Variants in PDZRN4 observed in about 807,000 individuals in gnomAD.
The protein encoded by PDZRN4 is PDZ domain-containing RING finger protein 4.
In PDZRN4, 70 loss-of-function variants were observed where a neutral mutation model predicts 99.0. That is an observed-to-expected ratio of 0.71 (90% CI 0.58 to 0.86). The LOEUF (loss-of-function observed/expected upper bound fraction) is 0.86. Among genes scored for constraint, PDZRN4 ranks in the 40% least tolerant of loss-of-function variants. The pLI, the probability that PDZRN4 is intolerant of heterozygous loss-of-function variation, is 0.00. For missense variants in PDZRN4, 1,474 were observed against 1,331.2 expected (o/e 1.11, Z -1.67); for synonymous variants, 551 against 501.6 (o/e 1.10, Z -1.32).
intron 3 of PDZRN4, among the ~76,000 whole-genome samples, chr12:41,480,136 C>G (rs1937650079): frequency 6.6e-6 from 1 of 152,098 alleles, no homozygotes; most frequent in Non-Finnish European, 1.5e-5. Context: ...AATTTCTTCT[C>G]TCATGCACGA....
chr12:41,500,352 A>C (rs1292599619), intron 3 of PDZRN4, among the ~76,000 whole-genome samples: 1 of 151,970 alleles, frequency 6.6e-6, no homozygotes, highest in Non-Finnish European at 1.5e-5. Context: ...CCAGACAGAC[A>C]AGCAGAAGAA....
Position 41,495,825 on chromosome 12 carries a change from C to A in PDZRN4, c.844-10631C>A, listed in dbSNP as rs200659800. Among the ~76,000 whole-genome samples the A allele has an allele frequency of 1.6e-4, 24 of 152,188 alleles. No individual in the cohort carries two copies. In the East Asian group the frequency reaches 4.7e-3, roughly 29 times the overall value. Reference sequence around the variant, plus strand: ...CCAGAGGACTTACTCTTTCATGCCTCAACCCTGGGGTTCCTCTCCTTTCTC... The same window carrying A: ...CCAGAGGACTTACTCTTTCATGCCTAAACCCTGGGGTTCCTCTCCTTTCTC... On this transcript the variant is annotated intron_variant, in intron 3 of 9. Coordinates refer to ENST00000402685, the MANE Select transcript of PDZRN4 (RefSeq NM_001164595.2).
At chr12:41,204,008 G>C (rs530537578) in intron 3 of PDZRN4, among the ~76,000 whole-genome samples, 8 of 151,944 alleles carry the variant, frequency 5.3e-5, no homozygotes, top group Admixed American at 1.3e-4. Context: ...TAATGGTTGG[G>C]TATCACAGTT....
At chr12:41,197,678 T>C (rs1252226361) in intron 3 of PDZRN4, among the ~76,000 whole-genome samples, 1 of 152,118 alleles carries the variant, frequency 6.6e-6, no homozygotes, top group Non-Finnish European at 1.5e-5. Context: ...TACAGCTGAA[T>C]AAAAGCATGC....
intron 5 of PDZRN4, among the ~76,000 whole-genome samples, chr12:41,549,650 G>C (rs1298198178): frequency 6.6e-6 from 1 of 152,132 alleles, no homozygotes; most frequent in African/African-American, 2.4e-5. Context: ...TTAAGGCTTT[G>C]TATTTTCAGC....
At chr12:41,227,904 CACACACACACACACA>C (rs1566375553) in intron 3 of PDZRN4, among the ~76,000 whole-genome samples, 10 of 151,372 alleles carry the variant, frequency 6.6e-5, no homozygotes, top group South Asian at 2.1e-4. Context: ...CACACACACA[CACACACACACACACA>C]CCAGAAGGGT....
intron 3 of PDZRN4, among the ~76,000 whole-genome samples, chr12:41,386,710 C>T (rs897379673): frequency 2.6e-5 from 4 of 152,112 alleles, no homozygotes; most frequent in Admixed American, 6.5e-5. Flanking sequence ...CATCACAGTA[C>T]CCAACTTGAA....
At chr12:41,566,601 C>T (rs1031206766) in intron 8 of PDZRN4, among the ~76,000 whole-genome samples, 1 of 152,058 alleles carries the variant, frequency 6.6e-6, no homozygotes, top group Non-Finnish European at 1.5e-5. Context: ...TTCTACATGG[C>T]CTTTAATAGA....
chr12:41,366,407 T>C (rs1952000696), intron 3 of PDZRN4, among the ~76,000 whole-genome samples: 1 of 152,074 alleles, frequency 6.6e-6, no homozygotes, highest in Admixed American at 6.6e-5. Flanking sequence ...TGACATCACA[T>C]TATCAGCAGT....
intron 3 of PDZRN4, among the ~76,000 whole-genome samples, chr12:41,421,872 T>A (rs1952493332): frequency 6.6e-6 from 1 of 152,214 alleles, no homozygotes; most frequent in Non-Finnish European, 1.5e-5. Context: ...ATCATATGTT[T>A]ATAAGTAAAC....
intron 3 of PDZRN4, among the ~76,000 whole-genome samples, chr12:41,233,845 T>C (rs984565747): frequency 6.6e-6 from 1 of 151,670 alleles, no homozygotes; most frequent in Non-Finnish European, 1.5e-5. Context: ...TACTAAATGA[T>C]GAATTAATGG....
At chr12:41,284,413 T>A (rs1394490517) in intron 3 of PDZRN4, among the ~76,000 whole-genome samples, 1 of 152,158 alleles carries the variant, frequency 6.6e-6, no homozygotes, top group Non-Finnish European at 1.5e-5. Context: ...GAATCAATAT[T>A]GTGAAAATGG....
In PDZRN4 at chr12:41,292,033, A is replaced by C. The variant is rs75610661; in HGVS notation, c.843+97845A>C. 1.6e-4 allele frequency among the ~76,000 whole-genome samples: 25 copies of C among 152,340 alleles called. No individual in the cohort carries two copies. The East Asian group carries it at 4.8e-3, about 29-fold the overall frequency. ...ACCCAGGTTGTGTTTGGCAGTCTTC[A>C]TCAGAGGTGAATCAATTAATCATCA... On this transcript the variant is annotated intron_variant, in intron 3 of 9. Coordinates refer to ENST00000402685, the MANE Select transcript of PDZRN4 (RefSeq NM_001164595.2).
intron 4 of PDZRN4, among the ~76,000 whole-genome samples, chr12:41,507,983 C>A (rs1938237325): frequency 6.6e-6 from 1 of 152,056 alleles, no homozygotes; most frequent in African/African-American, 2.4e-5. Flanking sequence ...AACATAGTAG[C>A]CATCCAACAA....
intron 3 of PDZRN4, among the ~76,000 whole-genome samples, chr12:41,226,694 C>T (rs1480104012): frequency 6.6e-6 from 1 of 152,130 alleles, no homozygotes; most frequent in African/African-American, 2.4e-5. Flanking sequence ...AAATATTGGC[C>T]ACATGATTCA....
At chr12:41,379,937 A>C (rs538915924) in intron 3 of PDZRN4, among the ~76,000 whole-genome samples, 1 of 152,060 alleles carries the variant, frequency 6.6e-6, no homozygotes, top group South Asian at 2.1e-4. Context: ...CTTGTTTCCT[A>C]CTATTAAAAT....
chr12:41,343,503 T>C (rs7133806), intron 3 of PDZRN4, among the ~76,000 whole-genome samples: 58,309 of 151,698 alleles, frequency 0.38, 11,287 homozygotes, highest in African/African-American at 0.4. Flanking sequence ...ACTACCTGTA[T>C]GCCCAAAACT....
chr12:41,414,500 A>G (rs145386064), intron 3 of PDZRN4, among the ~76,000 whole-genome samples: 370 of 152,188 alleles, frequency 2.4e-3, no homozygotes, highest in Non-Finnish European at 3.8e-3. Context: ...CGTATTTCTC[A>G]GCAATTTTGT....
intron 5 of PDZRN4, among the ~76,000 whole-genome samples, chr12:41,533,844 C>T (rs1938705184): frequency 2.0e-5 from 3 of 152,108 alleles, no homozygotes. Context: ...TTACATCATA[C>T]TATGCCTCTC....
Sources: gnomAD v4.1 joint callset for allele counts (sites outside exome capture counted in the v4.1 genomes callset) on GRCh38, gnomAD v4.1.1 for gene constraint, MANE v1.5 for transcripts, NCBI Gene and HGNC (gene_info 2026-07-23, HGNC 2026-07-21) for gene names.